The following SNX30 variants were observed in gnomAD, a reference collection of about 807,000 sequenced individuals.
The protein encoded by SNX30 is sorting nexin family member 30, also known as sorting nexin-30.
Under a neutral mutation model 46.4 loss-of-function variants are expected in SNX30, and 24 were observed. That is an observed-to-expected ratio of 0.52 (90% CI 0.37 to 0.73). SNX30 has a LOEUF of 0.73. Among genes scored for constraint, SNX30 ranks in the 30% least tolerant of loss-of-function variants. The pLI, the probability that SNX30 is intolerant of heterozygous loss-of-function variation, is 0.00. For synonymous variants in SNX30, 189 were observed against 211.5 expected (o/e 0.89, Z 0.92); for missense variants, 533 against 555.7 (o/e 0.96, Z 0.41).
chr9:112,812,341 C>T (rs112580847), intron 2 of SNX30, among the ~76,000 whole-genome samples: 6,270 of 152,084 alleles, frequency 0.041, 443 homozygotes, highest in African/African-American at 0.14. Flanking sequence ...CTGCAACCTC[C>T]GCCTCCCAGA....
rs751720343 is a variant in SNX30 at position 112,763,360 on chromosome 9, C to CTTTT, written c.156+12228_156+12231dup. Among the ~76,000 whole-genome samples, 35 of 47,586 alleles carry CTTTT rather than the reference C, an allele frequency of 7.4e-4. 6 individuals are homozygous for CTTTT. The highest frequency in any genetic ancestry group is 2.6e-3 in the African/African-American group (27 of 10,468). 31.2% of individuals were successfully genotyped at this position (47,586 alleles called of 152,430 possible). ...TGTATGGTGTGCCTTGCTATTTAAACTTTTTTTTTTTTTTTTTTTTTTTTT... is the reference window on the plus strand; with the variant it reads ...TGTATGGTGTGCCTTGCTATTTAAACTTTTTTTTTTTTTTTTTTTTTTTTTTTTT... On this transcript the variant is annotated intron_variant, in intron 1 of 8. Transcript: ENST00000374232.
intron 2 of SNX30, among the ~76,000 whole-genome samples, chr9:112,812,228 G>T (rs753884731): frequency 1.3e-5 from 2 of 151,892 alleles, no homozygotes; most frequent in Non-Finnish European, 2.9e-5. Flanking sequence ...ATAAATACTG[G>T]GTCAGAGAGT....
At chr9:112,834,700 G>C (rs943126919) in intron 4 of SNX30, among the ~76,000 whole-genome samples, 13 of 152,066 alleles carry the variant, frequency 8.5e-5, no homozygotes, top group Admixed American at 4.6e-4. Context: ...TCCTGCCTTG[G>C]GGCAGGTGAA....
intron 1 of SNX30, among the ~76,000 whole-genome samples, chr9:112,801,119 G>A (rs1482245707): frequency 1.7e-4 from 1 of 5,998 alleles, no homozygotes; most frequent in African/African-American, 4.5e-4. Context: ...GGTTTTTTGT[G>A]TCTCTATTTC....
At chr9:112,791,542 G>C (rs916552033) in intron 1 of SNX30, among the ~76,000 whole-genome samples, 7 of 150,122 alleles carry the variant, frequency 4.7e-5, no homozygotes, top group African/African-American at 1.7e-4. Context: ...CTCCCAAGTA[G>C]CTGAGACTAC....
chr9:112,813,300 C>CA (rs35185919), intron 2 of SNX30, among the ~76,000 whole-genome samples: 25 of 151,078 alleles, frequency 1.7e-4, no homozygotes, highest in East Asian at 7.8e-4. Context: ...CCTATCTCTA[C>CA]AAAAAAAACA....
intron 4 of SNX30, among the ~76,000 whole-genome samples, chr9:112,831,213 G>A (rs1248152686): frequency 6.6e-6 from 1 of 151,868 alleles, no homozygotes; most frequent in Admixed American, 6.6e-5. Context: ...ACTGTAACAG[G>A]GTTGTCATAA....
At chr9:112,865,615 C>G (rs1263922010) in intron 8 of SNX30, among the ~76,000 whole-genome samples, 1 of 111,788 alleles carries the variant, frequency 8.9e-6, no homozygotes, top group Non-Finnish European at 1.8e-5. Context: ...TTTTTTGATC[C>G]TGTCACGCCA....
intron 4 of SNX30, among the ~76,000 whole-genome samples, chr9:112,832,430 A>G (rs376885742): frequency 2.0e-4 from 16 of 79,730 alleles, no homozygotes; most frequent in South Asian, 5.2e-4. Flanking sequence ...ATAAGTAGGA[A>G]AGAGAGAGAG....
chr9:112,817,882 T>TCAACTTTCATCC, intron 3 of SNX30, 67 bp downstream of exon 3: 1 of 987,680 alleles, frequency 1.0e-6, no homozygotes, highest in South Asian at 1.3e-5. Context: ...AGGGGTTCAC[T>TCAACTTTCATCC]CAACTCTCAT....
chr9:112,857,926 C>T (rs1005439195), intron 7 of SNX30, among the ~76,000 whole-genome samples: 5 of 152,158 alleles, frequency 3.3e-5, no homozygotes, highest in African/African-American at 1.2e-4. Flanking sequence ...CTGTCCCGTT[C>T]CCCAGCACAC....
downstream of SNX30, chr9:112,885,733 AT>A (rs1217472969): frequency 6.6e-6 from 1 of 152,220 alleles, no homozygotes; most frequent in Non-Finnish European, 1.5e-5. Flanking sequence ...GATATTTTGC[AT>A]GTCAAATATG....
chr9:112,788,777 A>G (rs913213959), intron 1 of SNX30, among the ~76,000 whole-genome samples: 1 of 152,122 alleles, frequency 6.6e-6, no homozygotes, highest in Non-Finnish European at 1.5e-5. Flanking sequence ...GTGGGCAGAA[A>G]AGAGAGCAGG....
At chr9:112,853,777 T>G (rs529891478) in intron 7 of SNX30, among the ~76,000 whole-genome samples, 1 of 152,356 alleles carries the variant, frequency 6.6e-6, no homozygotes, top group African/African-American at 2.4e-5. Context: ...ATCCTGGGGC[T>G]TCCATGCAAA....
intron 3 of SNX30, among the ~76,000 whole-genome samples, chr9:112,823,933 T>C (rs1329753057): frequency 6.6e-6 from 1 of 152,254 alleles, no homozygotes; most frequent in East Asian, 1.9e-4. Flanking sequence ...TTAATCTCTA[T>C]GCTCCTTTAT....
chr9:112,763,538 T>C (rs1839478893), intron 1 of SNX30, among the ~76,000 whole-genome samples: 1 of 151,258 alleles, frequency 6.6e-6, no homozygotes, highest in African/African-American at 2.4e-5. Context: ...TTATGTTTTT[T>C]AAAAGAATTA....
At chr9:112,766,873 G>T (rs773566585) in intron 1 of SNX30, among the ~76,000 whole-genome samples, 5 of 152,138 alleles carry the variant, frequency 3.3e-5, no homozygotes, top group Non-Finnish European at 5.9e-5. Context: ...TGGACATTAG[G>T]TTGCTTTTGC....
At chr9:112,751,259 C>T (rs1026806505) in intron 1 of SNX30, 102 bp downstream of exon 1, 10 of 1,246,674 alleles carry the variant, frequency 8.0e-6, no homozygotes, top group South Asian at 7.0e-5. Context: ...CCCACCCTGC[C>T]GCCCCTTCCC....
chr9:112,885,295 C>T (rs550441235), downstream of SNX30: 6 of 152,206 alleles, frequency 3.9e-5, no homozygotes, highest in Non-Finnish European at 5.9e-5. Flanking sequence ...AACAAGCCTT[C>T]CTTTATTTTC....
Sources: allele counts gnomAD v4.1 joint callset (sites outside exome capture counted in the v4.1 genomes callset), GRCh38; gene constraint gnomAD v4.1.1; transcripts MANE v1.5; gene names NCBI Gene and HGNC (gene_info 2026-07-23, HGNC 2026-07-21).